Variants in ACTR5 observed in about 807,000 individuals in gnomAD.
ACTR5 encodes actin-related protein 5.
Under a neutral mutation model 61.2 loss-of-function variants are expected in ACTR5, and 43 were observed. The observed-to-expected ratio is 0.70, with a 90% CI of 0.55 to 0.91. The LOEUF (loss-of-function observed/expected upper bound fraction) is 0.91, where lower values mean the gene tolerates loss of function less well. Ranked by LOEUF, ACTR5 falls within the 40% of genes least tolerant of loss-of-function variation. The probability of loss-of-function intolerance (pLI) is 0.00; values close to 1 mark genes in which losing one functional copy is unlikely to be tolerated. For synonymous variants in ACTR5, 333 were observed against 310.5 expected, an observed-to-expected ratio of 1.07 and a Z score of -0.76; for missense variants, 798 against 782.2, an observed-to-expected ratio of 1.02 and a Z score of -0.24.
chr20:38,756,073 T>G (rs753138186), intron 5 of ACTR5, 34 bp downstream of exon 5: 6 of 1,582,612 alleles, frequency 3.8e-6, no homozygotes, highest in Non-Finnish European at 5.1e-6. Context: ...CAGCCCTTCT[T>G]GAGGGGAGGA....
At chr20:38,767,295 C>A (rs989183104) in intron 7 of ACTR5, among the ~76,000 whole-genome samples, 169 bp from the exon 8 acceptor site, 8 of 151,228 alleles carry the variant, frequency 5.3e-5, no homozygotes, top group Non-Finnish European at 1.0e-4. Flanking sequence ...AAACATTGGG[C>A]TGGCGTTTTG....
chr20:38,751,056 T>C (rs1226490354), intron 2 of ACTR5, among the ~76,000 whole-genome samples: 5 of 152,240 alleles, frequency 3.3e-5, no homozygotes, highest in Non-Finnish European at 2.9e-5. Flanking sequence ...TATTTAAAAA[T>C]CTGTTGCCAC....
At chr20:38,750,284 C>T in intron 2 of ACTR5, 45 bp downstream of exon 2, 1 of 1,531,874 alleles carries the variant, frequency 6.5e-7, no homozygotes, top group Non-Finnish European at 9.0e-7. Flanking sequence ...GAGAAGCATT[C>T]AGGAAACATT....
At chr20:38,771,232 G>A (rs959168170) in intron 8 of ACTR5, among the ~76,000 whole-genome samples, 73 of 152,316 alleles carry the variant, frequency 4.8e-4, no homozygotes, top group African/African-American at 1.6e-3. Context: ...CCCAGGTCAC[G>A]GGCCAGCCTC....
chr20:38,768,723 G>C (rs1311268370), intron 8 of ACTR5, among the ~76,000 whole-genome samples: 2 of 152,110 alleles, frequency 1.3e-5, no homozygotes, highest in Non-Finnish European at 2.9e-5. Context: ...CTTATCAGGT[G>C]GTGGTAGGAA....
intron 7 of ACTR5, among the ~76,000 whole-genome samples, chr20:38,766,690 G>A (rs910003382): frequency 6.6e-6 from 1 of 152,158 alleles, no homozygotes; most frequent in African/African-American, 2.4e-5. Flanking sequence ...TTAAAGACTA[G>A]TGATTTTAAA....
At chr20:38,760,377 G>T (rs1462890420) in intron 5 of ACTR5, among the ~76,000 whole-genome samples, 2 of 152,104 alleles carry the variant, frequency 1.3e-5, no homozygotes, top group Middle Eastern at 3.2e-3. Flanking sequence ...GGGATGTTGA[G>T]CAAGGGAATG....
At chr20:38,755,686 A>G (rs139646217) in intron 4 of ACTR5, among the ~76,000 whole-genome samples, 171 bp from the exon 5 acceptor site, 16 of 152,164 alleles carry the variant, frequency 1.1e-4, no homozygotes, top group Middle Eastern at 3.4e-3. Context: ...CTGTGATGCA[A>G]TGCTAGCCTA....
intron 8 of ACTR5, among the ~76,000 whole-genome samples, chr20:38,769,630 G>A (rs1057199603): frequency 2.0e-5 from 3 of 152,088 alleles, no homozygotes; most frequent in African/African-American, 4.8e-5. Flanking sequence ...GTGGACACAC[G>A]AAAAGGTGGC....
rs2245231 is a variant in ACTR5 at position 38,767,477 on chromosome 20, A to T, written c.1447A>T (p.Ile483Phe). 6.2e-7 allele frequency: 1 copy of T among 1,613,542 alleles called. No homozygotes were observed. Among genetic ancestry groups the T allele is most frequent in the East Asian group, 2.2e-5 (1 of 44,854 alleles). ...QYILDRYPKD[I>F]QEMLVQNVFL... Reference sequence around the variant, plus strand: ...TTTCTTTCCTAGGTACCCAAAGGACATTCAGGAAATGCTGGTTCAGAACGT... The same window carrying T: ...TTTCTTTCCTAGGTACCCAAAGGACTTTCAGGAAATGCTGGTTCAGAACGT... Residue 483 changes from isoleucine to phenylalanine, a missense_variant, in exon 8 of 9, where the codon ATT becomes TTT. Ile to Phe is a conservative substitution (Grantham distance 21). Coordinates refer to ENST00000243903, the MANE Select transcript of ACTR5 (RefSeq NM_024855.4).
At chr20:38,768,550 A>G (rs934580055) in intron 8 of ACTR5, among the ~76,000 whole-genome samples, 1 of 152,206 alleles carries the variant, frequency 6.6e-6, no homozygotes, top group Non-Finnish European at 1.5e-5. Flanking sequence ...AGTGTTGCCA[A>G]CCAGGGAAGC....
chr20:38,762,309 A>G (rs775915806), intron 5 of ACTR5, among the ~76,000 whole-genome samples: 1 of 152,140 alleles, frequency 6.6e-6, no homozygotes, highest in Non-Finnish European at 1.5e-5. Context: ...TCCAAGAGGG[A>G]GCTTCCCAAG....
At chr20:38,756,970 G>T (rs1313253082) in intron 5 of ACTR5, among the ~76,000 whole-genome samples, 1 of 152,240 alleles carries the variant, frequency 6.6e-6, no homozygotes, top group Non-Finnish European at 1.5e-5. Flanking sequence ...TTGTTGCCCA[G>T]TTAGAATGCA....
rs2084366108 is a variant in ACTR5 at position 38,748,531 on chromosome 20, T to G, written c.53T>G (p.Val18Gly). Residue 18 changes from valine (V) to glycine (G), a missense_variant, in exon 1 of 9, where the codon GTG becomes GGG. Val to Gly is a moderately radical substitution (Grantham distance 109). Transcript: ENST00000243903. ...FRDARAAPDP[V>G]LEAGPVAHGP... is the part of the protein sequence containing the mutation. ...GACGCCCGTGCCGCACCGGACCCAG[T>G]GCTGGAGGCCGGCCCGGTGGCACAC... 6.6e-7 allele frequency: 1 copy of G among 1,508,948 alleles called. No individual in the cohort carries two copies. Among genetic ancestry groups the G allele is most frequent in the Non-Finnish European group, 8.8e-7 (1 of 1,133,818 alleles). The allele number at this position is 1,508,948 out of a possible 1,614,324, so 93.5% of individuals were successfully genotyped here. A position where few individuals can be genotyped will look rare whatever the true frequency, so the allele number is the denominator to read the frequency against.
intron 5 of ACTR5, among the ~76,000 whole-genome samples, chr20:38,760,918 G>T (rs1490965413): frequency 2.0e-5 from 3 of 151,226 alleles, no homozygotes; most frequent in Non-Finnish European, 4.4e-5. Flanking sequence ...TGTGATGATG[G>T]CTCACTGTAA....
intron 3 of ACTR5, among the ~76,000 whole-genome samples, chr20:38,754,667 C>T (rs1412482549): frequency 1.3e-5 from 2 of 152,054 alleles, no homozygotes; most frequent in Non-Finnish European, 1.5e-5. Context: ...TGCAGTGAGC[C>T]GAGATCGCAC....
chr20:38,748,838 G>C lies in ACTR5; in HGVS notation c.360G>C (p.Leu120=). 6.2e-7 allele frequency: 1 copy of C among 1,607,908 alleles called. No individual in the cohort carries two copies. Among genetic ancestry groups the C allele is most frequent in the Non-Finnish European group, 8.5e-7 (1 of 1,178,468 alleles). The change falls in exon 1 of 9, where the codon CTG becomes CTC. Residue 120 remains leucine, a synonymous_variant. Transcript: ENST00000243903. The stretch of plus-strand genomic sequence containing the variant: ...TGCTGGACTACAGCTTCCAGCACCT[G>C]GGTGTCTCCTCACAGGTGAAGGGCG... ...ELLLDYSFQH[L]GVSSQGCVDH... is the part of the protein sequence containing the mutation.
At chr20:38,758,368 C>T (rs558890491) in intron 5 of ACTR5, among the ~76,000 whole-genome samples, 6 of 152,244 alleles carry the variant, frequency 3.9e-5, no homozygotes, top group African/African-American at 7.2e-5. Context: ...TCAGTTGGGC[C>T]GGGCACGGTG....
chr20:38,757,236 T>C (rs1175019852), intron 5 of ACTR5, among the ~76,000 whole-genome samples: 1 of 152,040 alleles, frequency 6.6e-6, no homozygotes, highest in African/African-American at 2.4e-5. Context: ...TGTTAATAAG[T>C]GTCGAAGTAG....
Sources: allele counts gnomAD v4.1 joint callset (sites outside exome capture counted in the v4.1 genomes callset), GRCh38; gene constraint gnomAD v4.1.1; transcripts MANE v1.5; gene names NCBI Gene and HGNC (gene_info 2026-07-23, HGNC 2026-07-21).